CFAP77: variants seen among roughly 807,000 people sequenced by gnomAD.
The protein encoded by CFAP77 is cilia- and flagella-associated protein 77.
CFAP77 carries 25 observed loss-of-function variants against 31.1 expected under a neutral mutation model. That is an observed-to-expected ratio of 0.80 (90% CI 0.59 to 1.12). CFAP77 has a LOEUF of 1.12. Ranked by LOEUF, CFAP77 falls within the 50% of genes most tolerant of loss-of-function variation. The pLI is 0.00. For synonymous variants in CFAP77, 151 were observed against 159.9 expected (o/e 0.94, Z 0.42); for missense variants, 377 against 397.3 (o/e 0.95, Z 0.44).
intron 3 of CFAP77, among the ~76,000 whole-genome samples, chr9:132,500,114 T>C (rs1490484061): frequency 1.3e-5 from 2 of 148,510 alleles, no homozygotes; most frequent in African/African-American, 5.0e-5. Flanking sequence ...ATCGCACCAC[T>C]GCACTCCAGC....
At position 132,498,555 on chromosome 9, in the gene CFAP77, A is replaced by G. The variant is rs506944; in HGVS notation, c.196-140A>G. 0.013 allele frequency: 8,373 copies of G among 644,186 alleles called. 543 individuals carry two copies. The African/African-American group carries it at 0.13, about 10-fold the overall frequency. 39.9% of individuals were successfully genotyped at this position (644,186 alleles called of 1,614,324 possible). A position where few individuals can be genotyped will look rare whatever the true frequency, so the allele number is the denominator to read the frequency against. The stretch of plus-strand genomic sequence containing the variant: ...CGCTCCTCCCAGGGAGGGCTCTGCC[A>G]CCCACTCCTGTGCCACCCTGAAGGC... On this transcript the variant is annotated intron_variant, in intron 1 of 5. Transcript: ENST00000393216. This position sits in a 1 kb window ranked among gnomAD's most constrained non-coding sequence, Gnocchi z 4.2.
At chr9:132,525,709 G>C (rs1251101160) in intron 3 of CFAP77, among the ~76,000 whole-genome samples, 1 of 152,150 alleles carries the variant, frequency 6.6e-6, no homozygotes, top group Non-Finnish European at 1.5e-5. Context: ...ACACAAAACT[G>C]TTCTGTCATC....
rs1267933098 is a variant in CFAP77, at chr9:132,424,073, G to T, written c.195+13607G>T. ...CTACGGCCAGAAGTTGACTGCACAA[G>T]GCTGAAACCAATGCAGCCAAGACAT... is the stretch of plus-strand genomic sequence containing the variant. On this transcript the variant is annotated intron_variant, in intron 1 of 5. Coordinates refer to ENST00000393216, the MANE Select transcript of CFAP77 (RefSeq NM_001282957.2). This position sits in a 1 kb window ranked among gnomAD's most constrained non-coding sequence, Gnocchi z 4.1. Among the ~76,000 whole-genome samples, 1 of 152,190 alleles carries T rather than the reference G, an allele frequency of 6.6e-6. No individual in the cohort carries two copies. The highest frequency in any genetic ancestry group is 1.5e-5 in the Non-Finnish European group (1 of 68,040).
chr9:132,412,226 G>C (rs908504190), intron 1 of CFAP77, among the ~76,000 whole-genome samples: 5 of 152,194 alleles, frequency 3.3e-5, no homozygotes, highest in African/African-American at 4.8e-5. Flanking sequence ...TGCAGAGCAG[G>C]TCTGCCCTGG....
At chr9:132,560,760 C>A (rs1263266011) in intron 5 of CFAP77, among the ~76,000 whole-genome samples, 1 of 152,060 alleles carries the variant, frequency 6.6e-6, no homozygotes, top group Non-Finnish European at 1.5e-5. Flanking sequence ...AACCAATGGT[C>A]CCCCGCCCCA....
At chr9:132,477,636 G>A (rs1466000416) in intron 1 of CFAP77, among the ~76,000 whole-genome samples, 4 of 152,160 alleles carry the variant, frequency 2.6e-5, no homozygotes, top group Admixed American at 1.3e-4. Context: ...CCAGGCTGGG[G>A]GCCTCTTCCA....
chr9:132,443,408 C>T (rs1850652953), intron 1 of CFAP77, among the ~76,000 whole-genome samples: 1 of 152,030 alleles, frequency 6.6e-6, no homozygotes, highest in African/African-American at 2.4e-5. Context: ...CATGTGCTAC[C>T]ACACCTGGCT....
At chr9:132,533,128 G>A (rs534135543) in intron 3 of CFAP77, among the ~76,000 whole-genome samples, 1 of 152,200 alleles carries the variant, frequency 6.6e-6, no homozygotes, top group Non-Finnish European at 1.5e-5. Context: ...GCCTCTAGGC[G>A]CCCTACGTGA....
In CFAP77 at chr9:132,436,281, T is replaced by C. The variant is rs79768058; in HGVS notation, c.195+25815T>C. On this transcript the variant is annotated intron_variant, in intron 1 of 5. Transcript: ENST00000393216. ...GACTTGTGGCCGCATCACTCTGATC[T>C]CTGCCTCTGTGGTCACGTGGCCTCT... 4.5e-3 allele frequency among the ~76,000 whole-genome samples: 678 copies of C among 152,308 alleles called. 5 individuals are homozygous for C. The highest frequency in any genetic ancestry group is 8.0e-3 in the Non-Finnish European group (546 of 68,028).
At chr9:132,557,071 T>C (rs1472829737) in intron 5 of CFAP77, among the ~76,000 whole-genome samples, 1 of 152,202 alleles carries the variant, frequency 6.6e-6, no homozygotes, top group East Asian at 1.9e-4. Flanking sequence ...TGTTTCTCAT[T>C]ATTTTCTGTC....
intron 1 of CFAP77, among the ~76,000 whole-genome samples, chr9:132,477,862 G>C (rs1851377399): frequency 6.6e-6 from 1 of 152,176 alleles, no homozygotes; most frequent in South Asian, 2.1e-4. Flanking sequence ...ATTCACGAGG[G>C]AGGAGCCACT....
At chr9:132,466,310 G>A (rs114517344) in intron 1 of CFAP77, among the ~76,000 whole-genome samples, 2,514 of 152,194 alleles carry the variant, frequency 0.017, 76 homozygotes, top group African/African-American at 0.057. Context: ...TTACTCTCAC[G>A]ACAGGACCCA....
chr9:132,505,703 G>A lies in CFAP77; in HGVS notation c.524+6103G>A, dbSNP rs567860553. Among the ~76,000 whole-genome samples the A allele has an allele frequency of 4.7e-4, 71 of 152,070 alleles. 1 individual carries two copies. The highest frequency in any genetic ancestry group is 3.5e-3 in the Admixed American group (53 of 15,272). On this transcript the variant is annotated intron_variant, in intron 3 of 5. Transcript: ENST00000393216. ...CAGAAGCCTGGGCAAGTGGATCTGC[G>A]CTCTGCCTGGCTCCTGGGGCTGGGG...
intron 1 of CFAP77, among the ~76,000 whole-genome samples, chr9:132,479,565 C>G (rs1315667099): frequency 6.6e-6 from 1 of 152,218 alleles, no homozygotes; most frequent in Non-Finnish European, 1.5e-5. Context: ...ATCCAATCAC[C>G]TCCCACCAGT....
At chr9:132,439,491 T>A (rs1850576834) in intron 1 of CFAP77, among the ~76,000 whole-genome samples, 1 of 152,124 alleles carries the variant, frequency 6.6e-6, no homozygotes, top group Non-Finnish European at 1.5e-5. Flanking sequence ...TGATTTAGTC[T>A]TCCTGATTCA....
In CFAP77 at chr9:132,498,799, G is replaced by C; in HGVS notation, c.295+5G>C. ...TTGACGGAGGAGTCCCTGAAGGTGA[G>C]CGAGCAGCTTTGGAGCATGAGGGCA... On this transcript the variant is annotated splice_donor_5th_base_variant and intron_variant, in intron 2 of 5. Transcript: ENST00000393216. This position sits in a 1 kb window ranked among gnomAD's most constrained non-coding sequence, Gnocchi z 4.2. 1 of 1,600,072 alleles carries C rather than the reference G, an allele frequency of 6.2e-7. No individual in the cohort carries two copies. Among genetic ancestry groups the C allele is most frequent in the Non-Finnish European group, 8.5e-7 (1 of 1,171,154 alleles).
At chr9:132,432,300 G>A (rs1374152037) in intron 1 of CFAP77, among the ~76,000 whole-genome samples, 1 of 152,102 alleles carries the variant, frequency 6.6e-6, no homozygotes, top group African/African-American at 2.4e-5. Context: ...AAAGTGGAGT[G>A]GAATCCCTAG....
intron 1 of CFAP77, among the ~76,000 whole-genome samples, chr9:132,463,872 T>A (rs1020064297): frequency 1.3e-5 from 2 of 152,186 alleles, no homozygotes; most frequent in Non-Finnish European, 2.9e-5. Flanking sequence ...TCACCTGGCT[T>A]GGCCTGGAAG....
intron 3 of CFAP77, among the ~76,000 whole-genome samples, chr9:132,531,583 G>A (rs1852451722): frequency 6.8e-6 from 1 of 147,692 alleles, no homozygotes; most frequent in East Asian, 2.0e-4. Context: ...CGCTGGAAGG[G>A]ACCTGCGGCC....
Sources: allele counts gnomAD v4.1 joint callset (sites outside exome capture counted in the v4.1 genomes callset), GRCh38; gene constraint gnomAD v4.1.1; non-coding constraint Gnocchi (gnomAD v3.1); transcripts MANE v1.5; gene names NCBI Gene and HGNC (gene_info 2026-07-23, HGNC 2026-07-21).